Variants in GDI2 observed in about 807,000 individuals in gnomAD.
GDI2 encodes the protein rab GDP dissociation inhibitor beta.
A neutral mutation model predicts 54.2 loss-of-function variants in GDI2; 22 were observed. That is an observed-to-expected ratio of 0.41 (90% CI 0.29 to 0.58). The LOEUF (loss-of-function observed/expected upper bound fraction) is 0.58. Ranked by LOEUF, GDI2 falls within the 20% of genes least tolerant of loss-of-function variation. The pLI is 0.35. For synonymous variants in GDI2, 177 were observed against 182.1 expected (o/e 0.97, Z 0.23); for missense variants, 422 against 546.0 (o/e 0.77, Z 2.26).
intron 3 of GDI2, among the ~76,000 whole-genome samples, chr10:5,795,794 G>T (rs1419965197): frequency 6.6e-6 from 1 of 152,138 alleles, no homozygotes; most frequent in African/African-American, 2.4e-5. Context: ...AGCCAGGTGT[G>T]GTGGAACACC....
At chr10:5,772,288 A>C (rs965569303) in intron 7 of GDI2, among the ~76,000 whole-genome samples, 3 of 152,248 alleles carry the variant, frequency 2.0e-5, no homozygotes, top group African/African-American at 7.2e-5. Context: ...GATATACCTG[A>C]GAATTAAGTT....
intron 6 of GDI2, among the ~76,000 whole-genome samples, chr10:5,778,614 A>G (rs909916552): frequency 6.6e-6 from 1 of 152,268 alleles, no homozygotes; most frequent in African/African-American, 2.4e-5. Context: ...ACCAGTTTAC[A>G]TAATTAATAA....
intron 1 of GDI2, among the ~76,000 whole-genome samples, chr10:5,809,255 A>AAAAAAAAAAAC (rs1841441519): frequency 7.0e-6 from 1 of 143,580 alleles, no homozygotes. Flanking sequence ...AAAAAAAAAC[A>AAAAAAAAAAAC]AAAAAAAAAA....
intron 1 of GDI2, among the ~76,000 whole-genome samples, chr10:5,808,973 G>T (rs899596128): frequency 6.6e-6 from 1 of 152,020 alleles, no homozygotes; most frequent in Non-Finnish European, 1.5e-5. Context: ...AGCCAGGCGC[G>T]GTGGCTCATG....
chr10:5,768,417 G>T lies in GDI2; in HGVS notation c.820-33C>A. On this transcript the variant is annotated intron_variant, in intron 7 of 10. Transcript: ENST00000380191. This position sits in a 1 kb window ranked among gnomAD's most constrained non-coding sequence, Gnocchi z 4.4. The stretch of plus-strand genomic sequence containing the variant: ...AAAGCATTTAAGAAGACACTGAAGC[G>T]GACAAGGATATAGGGAAACACATCC... 1 of 1,427,702 alleles carries T rather than the reference G, an allele frequency of 7.0e-7. No individual in the cohort carries two copies. The highest frequency in any genetic ancestry group is 9.9e-7 in the Non-Finnish European group (1 of 1,013,168). 88.4% of individuals were successfully genotyped at this position (1,427,702 alleles called of 1,614,324 possible). A position where few individuals can be genotyped will look rare whatever the true frequency, so the allele number is the denominator to read the frequency against.
chr10:5,776,356 A>C lies in GDI2; in HGVS notation c.720-2415T>G. 1 of 675,742 alleles carries C rather than the reference A, an allele frequency of 1.5e-6. No individual in the cohort carries two copies. Among genetic ancestry groups the C allele is most frequent in the Non-Finnish European group, 2.7e-6 (1 of 370,064 alleles). 41.9% of individuals were successfully genotyped at this position (675,742 alleles called of 1,614,324 possible). A position where few individuals can be genotyped will look rare whatever the true frequency, so the allele number is the denominator to read the frequency against. On this transcript the variant is annotated intron_variant, in intron 6 of 10. Coordinates refer to ENST00000380191, the MANE Select transcript of GDI2 (RefSeq NM_001494.4). This position sits in a 1 kb window ranked among gnomAD's most constrained non-coding sequence, Gnocchi z 5.3. Reference sequence around the variant, plus strand: ...CCCTCTGCTGAGGATGCAGAGAGCCAGAGCCCCCTTTCTCAGAAGCACAGC... The same window carrying C: ...CCCTCTGCTGAGGATGCAGAGAGCCCGAGCCCCCTTTCTCAGAAGCACAGC...
intron 5 of GDI2, among the ~76,000 whole-genome samples, chr10:5,785,577 T>C (rs1376858262): frequency 6.6e-6 from 1 of 152,162 alleles, no homozygotes; most frequent in African/African-American, 2.4e-5. Context: ...GGTTTCACCA[T>C]GTTGGCCAGG....
chr10:5,771,487 A>G (rs1168471937), intron 7 of GDI2, among the ~76,000 whole-genome samples: 2 of 152,214 alleles, frequency 1.3e-5, no homozygotes, highest in Non-Finnish European at 2.9e-5. Flanking sequence ...ACCCAAGACA[A>G]TTCTTCCTCT....
chr10:5,768,578 A>G lies in GDI2; in HGVS notation c.820-194T>C, dbSNP rs1256444174. Reference sequence around the variant, plus strand: ...GAAGAACAGCAAAGCTGGAGGACTCACTCACTAAAAAGCTACAGTGATCAA... The same window carrying G: ...GAAGAACAGCAAAGCTGGAGGACTCGCTCACTAAAAAGCTACAGTGATCAA... On this transcript the variant is annotated intron_variant, in intron 7 of 10. Transcript: ENST00000380191. This position sits in a 1 kb window ranked among gnomAD's most constrained non-coding sequence, Gnocchi z 4.4. 1 of 568,728 alleles carries G rather than the reference A, an allele frequency of 1.8e-6. No individual in the cohort carries two copies. Among genetic ancestry groups the G allele is most frequent in the Non-Finnish European group, 3.1e-6 (1 of 320,406 alleles). 35.2% of individuals were successfully genotyped at this position (568,728 alleles called of 1,614,324 possible).
intron 1 of GDI2, chr10:5,812,097 C>G (rs2131727557): frequency 5.5e-6 from 1 of 182,232 alleles, no homozygotes; most frequent in East Asian, 1.8e-4. Flanking sequence ...CATCAGTATT[C>G]ATCTTAATTA....
Position 5,776,146 on chromosome 10 carries a change from C to A in GDI2, c.720-2205G>T. 3.7e-6 allele frequency: 1 copy of A among 273,312 alleles called. No individual in the cohort carries two copies. Among genetic ancestry groups the A allele is most frequent in the South Asian group, 5.3e-5 (1 of 18,728 alleles). The allele number at this position is 273,312 out of a possible 1,614,324, so 16.9% of individuals were successfully genotyped here. The stretch of plus-strand genomic sequence containing the variant: ...CAACTACAAAGAAGCTATTTCTTGT[C>A]ACAAAAAGGCTGCGGCATATCCTTC... On this transcript the variant is annotated intron_variant, in intron 6 of 10. Transcript: ENST00000380191. The surrounding 1 kb of genome is among the most constrained non-coding windows in gnomAD (Gnocchi z 5.3).
intron 4 of GDI2, among the ~76,000 whole-genome samples, chr10:5,791,739 T>TC: frequency 1.1e-5 from 1 of 94,234 alleles, no homozygotes; most frequent in Non-Finnish European, 2.2e-5. Context: ...AAACTCCGTC[T>TC]CAAAAAAAAA....
chr10:5,796,377 G>C (rs1358156870), intron 3 of GDI2, among the ~76,000 whole-genome samples: 8 of 151,370 alleles, frequency 5.3e-5, no homozygotes, highest in African/African-American at 1.9e-4. Flanking sequence ...AGAAAACTTA[G>C]ATCCTCTAAA....
chr10:5,812,204 TAAA>T (rs202220456), intron 1 of GDI2, among the ~76,000 whole-genome samples: 18 of 140,112 alleles, frequency 1.3e-4, no homozygotes, highest in South Asian at 6.8e-4. Flanking sequence ...GATGAACATT[TAAA>T]AAAAAAAAAA....
At chr10:5,779,423 G>A (rs540616467) in intron 6 of GDI2, among the ~76,000 whole-genome samples, 7 of 151,782 alleles carry the variant, frequency 4.6e-5, no homozygotes, top group East Asian at 1.9e-4. Flanking sequence ...CAGGAGAATC[G>A]CTTGAACCCG....
intron 6 of GDI2, among the ~76,000 whole-genome samples, chr10:5,775,220 C>T (rs1012917593): frequency 1.3e-5 from 2 of 151,874 alleles, no homozygotes; most frequent in African/African-American, 4.9e-5. Flanking sequence ...CCTGAGAGGT[C>T]GAGGCTGCAG....
intron 4 of GDI2, among the ~76,000 whole-genome samples, chr10:5,786,295 C>A (rs573867035): frequency 1.3e-5 from 2 of 151,656 alleles, no homozygotes; most frequent in African/African-American, 4.8e-5. Context: ...CTCAGCCTCC[C>A]GAGTAGCTGG....
intron 1 of GDI2, among the ~76,000 whole-genome samples, chr10:5,806,068 A>G (rs1841373608): frequency 6.6e-6 from 1 of 152,252 alleles, no homozygotes; most frequent in East Asian, 1.9e-4. Flanking sequence ...TATCAAGAAG[A>G]GTATAAATAC....
chr10:5,785,083 T>C (rs1840844374), intron 6 of GDI2, 59 bp downstream of exon 6: 1 of 1,233,406 alleles, frequency 8.1e-7, no homozygotes, highest in African/African-American at 1.5e-5. Context: ...ATATCTCATA[T>C]ACACATTATG....
Sources: allele counts gnomAD v4.1 joint callset (sites outside exome capture counted in the v4.1 genomes callset), GRCh38; gene constraint gnomAD v4.1.1; non-coding constraint Gnocchi (gnomAD v3.1); transcripts MANE v1.5; gene names NCBI Gene and HGNC (gene_info 2026-07-23, HGNC 2026-07-21).